The following DMD variants were observed in gnomAD, a reference collection of about 807,000 sequenced individuals.
The protein encoded by DMD is mutant dystrophin.
In DMD, 63 loss-of-function variants were observed where a neutral mutation model predicts 330.1. That is an observed-to-expected ratio of 0.19 (90% CI 0.16 to 0.24). The LOEUF is 0.24. Among genes scored for constraint, DMD ranks in the 10% least tolerant of loss-of-function variants. The probability of loss-of-function intolerance (pLI) is 1.00; values close to 1 mark genes in which losing one functional copy is unlikely to be tolerated. For synonymous variants in DMD, 1,223 were observed against 959.8 expected, an observed-to-expected ratio of 1.27 and a Z score of -5.07; for missense variants, 3,344 against 2,684.1, an observed-to-expected ratio of 1.25 and a Z score of -5.43.
chrX:31,565,668 G>A (rs777518019), intron 55 of DMD, among the ~76,000 whole-genome samples: 2 of 111,694 alleles, frequency 1.8e-5, no homozygotes, highest in South Asian at 3.8e-4. Flanking sequence ...GTAGCTGCAT[G>A]TTTAGTTTTA....
At chrX:31,493,073 A>G (rs905832064) in intron 57 of DMD, among the ~76,000 whole-genome samples, 4 of 112,031 alleles carry the variant, frequency 3.6e-5, no homozygotes, top group Non-Finnish European at 7.5e-5. Context: ...CTTTACAAAA[A>G]GATGCTTAAT....
chrX:32,641,436 A>ATATC (rs1556872509), intron 11 of DMD: 11 of 113,671 alleles, frequency 9.7e-5, no homozygotes, highest in East Asian at 3.1e-4. Context: ...ATATATATAT[A>ATATC]TCTCACAATG....
intron 60 of DMD, among the ~76,000 whole-genome samples, chrX:31,357,553 C>T (rs1026631745): frequency 9.0e-6 from 1 of 111,516 alleles, no homozygotes; most frequent in Non-Finnish European, 1.9e-5. Flanking sequence ...TTCTACTAAA[C>T]ACTTCTTTAA....
intron 60 of DMD, among the ~76,000 whole-genome samples, chrX:31,426,003 G>A (rs1013077666): frequency 9.0e-6 from 1 of 111,274 alleles, no homozygotes; most frequent in Non-Finnish European, 1.9e-5. Flanking sequence ...GTAGAATCTC[G>A]GACTCCACGC....
At chrX:33,284,775 T>C (rs2053404353) in intron 1 of DMD, among the ~76,000 whole-genome samples, 2 of 66,629 alleles carry the variant, frequency 3.0e-5, no homozygotes, top group Non-Finnish European at 6.7e-5. Flanking sequence ...GCGTAGCACA[T>C]AGATATTCCC....
chrX:33,260,306 C>T (rs1443510929), intron 1 of DMD, among the ~76,000 whole-genome samples: 3 of 111,060 alleles, frequency 2.7e-5, no homozygotes, highest in Admixed American at 9.6e-5. Context: ...ATGATGCTTT[C>T]TTAAAAAGAT....
At chrX:32,432,482 C>A (rs1198312085) in intron 29 of DMD, among the ~76,000 whole-genome samples, 1 of 111,839 alleles carries the variant, frequency 8.9e-6, no homozygotes, top group Non-Finnish European at 1.9e-5. Context: ...TAGACATTTT[C>A]CAGCATCCTA....
chrX:32,300,768 T>C (rs916507092), intron 42 of DMD, among the ~76,000 whole-genome samples: 2 of 111,104 alleles, frequency 1.8e-5, no homozygotes, highest in Non-Finnish European at 3.8e-5. Flanking sequence ...CGCTTTAGTG[T>C]TGTGTGACTC....
intron 11 of DMD, among the ~76,000 whole-genome samples, chrX:32,642,859 T>C (rs1041926415): frequency 6.3e-5 from 7 of 111,347 alleles, no homozygotes; most frequent in Admixed American, 9.6e-5. Flanking sequence ...GTGGCTATTA[T>C]GGCAAGGACA....
At chrX:32,521,145 C>T (rs767698680) in intron 17 of DMD, among the ~76,000 whole-genome samples, 1 of 111,720 alleles carries the variant, frequency 9.0e-6, no homozygotes, top group Admixed American at 9.5e-5. Context: ...CTTACTTTTG[C>T]TCAAGCATCT....
At chrX:31,181,914 T>C (rs1328703831) in intron 68 of DMD, among the ~76,000 whole-genome samples, 1 of 112,242 alleles carries the variant, frequency 8.9e-6, no homozygotes, top group Non-Finnish European at 1.9e-5. Flanking sequence ...TTCACACATT[T>C]AAGGACATCG....
intron 1 of DMD, among the ~76,000 whole-genome samples, chrX:33,082,820 T>C (rs896220708): frequency 8.9e-6 from 1 of 112,023 alleles, no homozygotes; most frequent in African/African-American, 3.2e-5. Context: ...TAGCAAAGTT[T>C]GTAGCTGACC....
At chrX:31,830,603 A>C (rs904863642) in intron 49 of DMD, among the ~76,000 whole-genome samples, 1 of 112,160 alleles carries the variant, frequency 8.9e-6, no homozygotes, top group African/African-American at 3.2e-5. Flanking sequence ...TCAAAAACAA[A>C]CAAACAACCA....
chrX:32,601,434 G>A (rs897058587), intron 12 of DMD, among the ~76,000 whole-genome samples: 6 of 111,589 alleles, frequency 5.4e-5, no homozygotes, highest in African/African-American at 2.0e-4. Flanking sequence ...GCTACCAAAT[G>A]GGGGTTCTGA....
At chrX:32,604,109 G>C (rs60340634) in intron 12 of DMD, among the ~76,000 whole-genome samples, 1 of 109,990 alleles carries the variant, frequency 9.1e-6, no homozygotes, top group Non-Finnish European at 1.9e-5. Flanking sequence ...CAGAATGCTA[G>C]CAAACCAAAC....
intron 49 of DMD, among the ~76,000 whole-genome samples, chrX:31,836,100 A>G (rs1263332812): frequency 8.9e-6 from 1 of 111,803 alleles, no homozygotes; most frequent in Non-Finnish European, 1.9e-5. Context: ...TCCTTATGTA[A>G]TAGCCTGTGA....
chrX:32,824,765 T>A lies in DMD; in HGVS notation c.265-1378A>T, dbSNP rs952273472. On this transcript the variant is annotated intron_variant, in intron 4 of 78. Transcript: ENST00000357033. ...ACACATATGCATGCACACATACACA[T>A]AAATATGAGTAAAGCTGGGAAAATC... Among the ~76,000 whole-genome samples the A allele has an allele frequency of 2.7e-5, 3 of 112,081 alleles. No homozygotes were observed. The East Asian group carries it at 8.4e-4, about 32-fold the overall frequency.
intron 52 of DMD, among the ~76,000 whole-genome samples, chrX:31,690,718 C>G (rs771103536): frequency 2.5e-4 from 28 of 111,903 alleles, no homozygotes; most frequent in African/African-American, 8.1e-4. Context: ...GGAACCAATC[C>G]AAATGTCCAT....
rs142086329 is a variant in DMD, at chrX:33,202,857, A to G, written c.31+8425T>C. Among the ~76,000 whole-genome samples, 27 of 112,067 alleles carry G rather than the reference A, an allele frequency of 2.4e-4. No homozygotes were observed. In the East Asian group the frequency reaches 7.3e-3, roughly 30 times the overall value. Reference sequence around the variant, plus strand: ...CTGACTTAGAGTTGCTGTCTCATAAAAAGCAAAGAGAACATAGGTGTTCAA... The same window carrying G: ...CTGACTTAGAGTTGCTGTCTCATAAGAAGCAAAGAGAACATAGGTGTTCAA... On this transcript the variant is annotated intron_variant, in intron 1 of 78. Transcript: ENST00000357033.
Sources: allele counts gnomAD v4.1 joint callset (sites outside exome capture counted in the v4.1 genomes callset), GRCh38; gene constraint gnomAD v4.1.1; transcripts MANE v1.5; gene names NCBI Gene and HGNC (gene_info 2026-07-23, HGNC 2026-07-21).